Variants in RPRD2 observed in about 807,000 individuals in gnomAD.
RPRD2 encodes the protein regulation of nuclear pre-mRNA domain containing 2.
Under a neutral mutation model 104.4 loss-of-function variants are expected in RPRD2, and 12 were observed. The observed-to-expected ratio is 0.11, with a 90% confidence interval of 0.07 to 0.19. RPRD2 has a LOEUF of 0.19. RPRD2 is among the 10% of genes least tolerant of loss of function. The probability of loss-of-function intolerance (pLI) is 1.00; values close to 1 mark genes in which losing one functional copy is unlikely to be tolerated. For missense variants in RPRD2, 1,543 were observed against 1,790.1 expected, an observed-to-expected ratio of 0.86 and a Z score of 2.49; for synonymous variants, 714 against 684.9, an observed-to-expected ratio of 1.04 and a Z score of -0.66.
At chr1:150,404,763 C>T (rs1405230301) in intron 1 of RPRD2, among the ~76,000 whole-genome samples, 1 of 152,144 alleles carries the variant, frequency 6.6e-6, no homozygotes, top group Non-Finnish European at 1.5e-5. Flanking sequence ...TGCCACTGTG[C>T]CCGGCCTCGT....
chr1:150,411,978 C>T (rs369752258), intron 1 of RPRD2, among the ~76,000 whole-genome samples: 1 of 151,784 alleles, frequency 6.6e-6, no homozygotes, highest in Non-Finnish European at 1.5e-5. Flanking sequence ...CAAAAATTAG[C>T]CGGGCATGGT....
At chr1:150,392,698 C>G (rs1553883394) in intron 1 of RPRD2, among the ~76,000 whole-genome samples, 3 of 151,926 alleles carry the variant, frequency 2.0e-5, no homozygotes, top group Non-Finnish European at 4.4e-5. Context: ...TAAAAAATAG[C>G]TGGGCCTGGT....
At chr1:150,440,007 A>G (rs1433750987) in intron 2 of RPRD2, among the ~76,000 whole-genome samples, 1 of 151,704 alleles carries the variant, frequency 6.6e-6, no homozygotes. Context: ...TCTGTGGCCC[A>G]GGCTGGGTTG....
intron 1 of RPRD2, among the ~76,000 whole-genome samples, chr1:150,398,284 C>T (rs1662694911): frequency 6.6e-6 from 1 of 151,404 alleles, no homozygotes; most frequent in African/African-American, 2.4e-5. Flanking sequence ...GCAAGCTCTG[C>T]CTCCCAGGTT....
At chr1:150,451,287 T>A (rs1553896518) in intron 7 of RPRD2, among the ~76,000 whole-genome samples, 1 of 152,182 alleles carries the variant, frequency 6.6e-6, no homozygotes, top group Non-Finnish European at 1.5e-5. Context: ...TTTATCTCAC[T>A]ACCTGTAATG....
Position 150,437,237 on chromosome 1 carries a change from A to G in RPRD2, c.336-3686A>G, listed in dbSNP as rs1470964002. ...AAGGCCAGGCATGGTGGCTTTTAACACCTGTAATCCCAACACTTTGGAGGC... is the reference window on the plus strand; with the variant it reads ...AAGGCCAGGCATGGTGGCTTTTAACGCCTGTAATCCCAACACTTTGGAGGC... On this transcript the variant is annotated intron_variant, in intron 2 of 10. Transcript: ENST00000369068. Among the ~76,000 whole-genome samples the G allele has an allele frequency of 2.6e-5, 4 of 152,178 alleles. No homozygotes were observed. In the South Asian group the frequency reaches 6.2e-4, roughly 24 times the overall value.
At chr1:150,376,052 C>T (rs1660659439) in intron 1 of RPRD2, among the ~76,000 whole-genome samples, 1 of 152,132 alleles carries the variant, frequency 6.6e-6, no homozygotes, top group Non-Finnish European at 1.5e-5. Flanking sequence ...GGCAACAATT[C>T]CATCTGTGCT....
intron 9 of RPRD2, among the ~76,000 whole-genome samples, chr1:150,460,638 G>A (rs1392267819): frequency 2.6e-5 from 4 of 151,900 alleles, no homozygotes; most frequent in South Asian, 4.2e-4. Flanking sequence ...TCTGACCTCA[G>A]GTGATACACC....
At position 150,470,837 on chromosome 1, in the gene RPRD2, G is replaced by A. The variant is rs1377226311; in HGVS notation, c.1889G>A (p.Gly630Glu). The A allele has an allele frequency of 5.0e-6, 8 of 1,613,782 alleles. No homozygotes were observed. The change falls in exon 11 of 11, where the codon GGG (glycine) becomes GAG (glutamate). Residue 630 changes from glycine to glutamate, a missense_variant. By Grantham distance (98) the Gly-to-Glu change is moderately conservative. Coordinates refer to ENST00000369068, the MANE Select transcript of RPRD2 (RefSeq NM_015203.5). ...TTTAAACTACCTTCCAACTCTTTGG[G>A]GTTTACAGCTACCCACAATACTAGC... ...TTFKLPSNSL[G>E]FTATHNTSPA...
chr1:150,402,053 G>A (rs1023768036), intron 1 of RPRD2, among the ~76,000 whole-genome samples: 1 of 151,504 alleles, frequency 6.6e-6, no homozygotes, highest in African/African-American at 2.4e-5. Context: ...TCTGCTTCCC[G>A]GGTTCAAGCA....
chr1:150,364,461 C>T lies in RPRD2; in HGVS notation c.-254C>T, dbSNP rs587773196. Among the ~76,000 whole-genome samples the T allele has an allele frequency of 6.6e-6, 1 of 152,130 alleles. No individual in the cohort carries two copies. Among genetic ancestry groups the T allele is most frequent in the South Asian group, 2.1e-4 (1 of 4,806 alleles). On this transcript the variant is annotated 5_prime_UTR_variant, in exon 1 of 11. Coordinates refer to ENST00000369068, the MANE Select transcript of RPRD2 (RefSeq NM_015203.5). ...TGATTACTGACTGGTTTAAACACGACCCCTTGAACAATATTGATAAAACCT... is the reference window on the plus strand; with the variant it reads ...TGATTACTGACTGGTTTAAACACGATCCCTTGAACAATATTGATAAAACCT...
chr1:150,457,581 A>G lies in RPRD2; in HGVS notation c.1153+11A>G. 4 of 1,609,958 alleles carry G rather than the reference A, an allele frequency of 2.5e-6. No individual in the cohort carries two copies. The highest frequency in any genetic ancestry group is 2.6e-6 in the Non-Finnish European group (3 of 1,176,318). On this transcript the variant is annotated intron_variant, in intron 8 of 10. Coordinates refer to ENST00000369068, the MANE Select transcript of RPRD2 (RefSeq NM_015203.5). The stretch of plus-strand genomic sequence containing the variant: ...GGTCAAAAATCATTGGTATGTCTTT[A>G]TGTGATTAATAGACAACTTATTCCT...
intron 9 of RPRD2, among the ~76,000 whole-genome samples, chr1:150,463,948 C>G (rs782419759): frequency 1.3e-5 from 2 of 152,124 alleles, no homozygotes; most frequent in Non-Finnish European, 2.9e-5. Context: ...TTGAAGACCA[C>G]CCTGGGCAAT....
chr1:150,426,051 T>C (rs1307070593), intron 2 of RPRD2, among the ~76,000 whole-genome samples: 2 of 152,110 alleles, frequency 1.3e-5, no homozygotes, highest in East Asian at 3.9e-4. Flanking sequence ...CAGTGAGCTG[T>C]GGTGGTGTCA....
chr1:150,473,739 T>C lies in RPRD2; in HGVS notation c.*405T>C, dbSNP rs1349919405. 6.5e-6 allele frequency: 1 copy of C among 154,330 alleles called. No individual in the cohort carries two copies. The highest frequency in any genetic ancestry group is 1.4e-5 in the Non-Finnish European group (1 of 69,606). 9.6% of individuals were successfully genotyped at this position (154,330 alleles called of 1,614,324 possible). A position where few individuals can be genotyped will look rare whatever the true frequency, so the allele number is the denominator to read the frequency against. On this transcript the variant is annotated 3_prime_UTR_variant, in exon 11 of 11. Transcript: ENST00000369068. ...CACATGTGCAATGTTGGGATGTTATTTTGGGCTTGGCTTATCGAGTAGTCA... is the reference window on the plus strand; with the variant it reads ...CACATGTGCAATGTTGGGATGTTATCTTGGGCTTGGCTTATCGAGTAGTCA...
chr1:150,460,035 A>G, intron 8 of RPRD2, 25 bp from the exon 9 acceptor site: 1 of 1,609,776 alleles, frequency 6.2e-7, no homozygotes, highest in Non-Finnish European at 8.5e-7. Flanking sequence ...GTAGGATGTA[A>G]TATCTCTTTT....
At chr1:150,446,153 TTCAAAAG>T in intron 6 of RPRD2, 66 bp from the exon 7 acceptor site, 1 of 1,109,476 alleles carries the variant, frequency 9.0e-7, no homozygotes, top group South Asian at 1.8e-5. Flanking sequence ...AGAGGTTTTC[TTCAAAAG>T]TCAAAAGACT....
chr1:150,421,822 T>A (rs587643582), intron 2 of RPRD2, among the ~76,000 whole-genome samples: 1 of 151,612 alleles, frequency 6.6e-6, no homozygotes, highest in East Asian at 1.9e-4. Flanking sequence ...ACAAAAAAAA[T>A]TAAAAATTAG....
rs782645290 is a variant in RPRD2, at chr1:150,441,935, A to G, written c.491A>G (p.Asn164Ser). 4 of 1,612,366 alleles carry G rather than the reference A, an allele frequency of 2.5e-6. No individual in the cohort carries two copies. The highest frequency in any genetic ancestry group is 3.4e-6 in the Non-Finnish European group (4 of 1,179,206). The change falls in exon 4 of 11, where the codon AAT becomes AGT. Residue 164 changes from asparagine (N) to serine (S), a missense_variant. Asn to Ser is a conservative substitution (Grantham distance 46). Transcript: ENST00000369068. ...AAAGAAAATCTGAACAAACAACCGAATAAGCAGTGGAAGAAATCACAAAGT... is the reference window on the plus strand; with the variant it reads ...AAAGAAAATCTGAACAAACAACCGAGTAAGCAGTGGAAGAAATCACAAAGT... ...QLKENLNKQP[N>S]KQWKKSQTST...
Sources: gnomAD v4.1 joint callset for allele counts (sites outside exome capture counted in the v4.1 genomes callset) on GRCh38, gnomAD v4.1.1 for gene constraint, MANE v1.5 for transcripts, NCBI Gene and HGNC (gene_info 2026-07-23, HGNC 2026-07-21) for gene names.